MPP7: variants seen among roughly 807,000 people sequenced by gnomAD.
The protein encoded by MPP7 is MAGUK p55 subfamily member 7.
In MPP7, 60 loss-of-function variants were observed where a neutral mutation model predicts 76.5. The observed-to-expected ratio is 0.78, with a 90% CI of 0.64 to 0.97. The LOEUF (loss-of-function observed/expected upper bound fraction) is 0.97. Among genes scored for constraint, MPP7 ranks in the 50% least tolerant of loss-of-function variants. The pLI, the probability that MPP7 is intolerant of heterozygous loss-of-function variation, is 0.00. For missense variants in MPP7, 641 were observed against 694.0 expected (o/e 0.92, Z 0.86); for synonymous variants, 237 against 244.5 (o/e 0.97, Z 0.29).
Position 28,124,127 on chromosome 10 carries a change from G to C in MPP7, c.530-11C>G. The C allele has an allele frequency of 2.5e-6, 4 of 1,582,944 alleles. No homozygotes were observed. Among genetic ancestry groups the C allele is most frequent in the Non-Finnish European group, 3.5e-6 (4 of 1,152,176 alleles). The stretch of plus-strand genomic sequence containing the variant: ...CAACATGAATAAGACCTGAGAAATA[G>C]GAGATTTGGTAAATTAGCAGTGTTA... On this transcript the variant is annotated splice_polypyrimidine_tract_variant and intron_variant, in intron 7 of 16. Transcript: ENST00000683449.
intron 2 of MPP7, among the ~76,000 whole-genome samples, chr10:28,313,518 T>TA (rs1204078166): frequency 5.5e-5 from 7 of 128,238 alleles, no homozygotes; most frequent in Non-Finnish European, 1.0e-4. Flanking sequence ...AAAGATAAAA[T>TA]AAAAAAAAAG....
chr10:28,161,757 C>T (rs185903807), intron 3 of MPP7, among the ~76,000 whole-genome samples: 142 of 152,184 alleles, frequency 9.3e-4, no homozygotes, highest in African/African-American at 3.3e-3. Flanking sequence ...AATTATTTCC[C>T]CAACTTTTCA....
chr10:28,079,578 C>T (rs1023910776), intron 12 of MPP7, among the ~76,000 whole-genome samples: 3 of 152,116 alleles, frequency 2.0e-5, no homozygotes, highest in Non-Finnish European at 2.9e-5. Flanking sequence ...GAAGCGCACC[C>T]AAAACCATAC....
At chr10:28,289,805 GC>G (rs1840870849) in intron 1 of MPP7, among the ~76,000 whole-genome samples, 2 of 152,096 alleles carry the variant, frequency 1.3e-5, no homozygotes, top group African/African-American at 4.8e-5. Flanking sequence ...TCCCAAAAAG[GC>G]CGAAACATTG....
chr10:28,117,368 C>T (rs927891326), intron 11 of MPP7, among the ~76,000 whole-genome samples: 2 of 151,996 alleles, frequency 1.3e-5, no homozygotes, highest in African/African-American at 4.8e-5. Flanking sequence ...TAGAATTATT[C>T]TTCCTTTATA....
At chr10:28,267,564 T>A (rs545290931) in intron 1 of MPP7, among the ~76,000 whole-genome samples, 1 of 152,134 alleles carries the variant, frequency 6.6e-6, no homozygotes, top group Non-Finnish European at 1.5e-5. Flanking sequence ...CACTAGAGCA[T>A]TACAGATTTT....
chr10:28,317,830 C>A (rs1173173461), intron 2 of MPP7, among the ~76,000 whole-genome samples: 1 of 152,172 alleles, frequency 6.6e-6, no homozygotes, highest in Non-Finnish European at 1.5e-5. Context: ...TAGGAAAAGG[C>A]ACTCTTCCTC....
intron 3 of MPP7, among the ~76,000 whole-genome samples, chr10:28,160,457 T>C (rs1256185374): frequency 6.6e-6 from 1 of 152,174 alleles, no homozygotes; most frequent in East Asian, 1.9e-4. Context: ...TGAGCAGTTT[T>C]ACCCATCAGT....
chr10:28,119,236 T>C (rs1564639779), intron 11 of MPP7, among the ~76,000 whole-genome samples: 1 of 152,126 alleles, frequency 6.6e-6, no homozygotes, highest in Non-Finnish European at 1.5e-5. Context: ...TAAGAACAAT[T>C]GGTCTTGAGC....
intron 13 of MPP7, among the ~76,000 whole-genome samples, chr10:28,062,321 T>C (rs758430623): frequency 1.3e-5 from 2 of 152,046 alleles, no homozygotes; most frequent in Non-Finnish European, 2.9e-5. Flanking sequence ...TGGTTAGATA[T>C]GCATACATTA....
At chr10:28,181,228 C>A (rs1002858444) in intron 3 of MPP7, among the ~76,000 whole-genome samples, 7 of 151,956 alleles carry the variant, frequency 4.6e-5, no homozygotes, top group African/African-American at 7.3e-5. Context: ...AAGTATTTTA[C>A]GTGAAAATGG....
upstream of MPP7, among the ~76,000 whole-genome samples, chr10:28,306,664 T>TAGAGAGAGAG (rs772241963): frequency 0.17 from 6,926 of 41,128 alleles, 298 homozygotes; most frequent in African/African-American, 0.31. Flanking sequence ...AGATGATAGA[T>TAGAGAGAGAG]AGATAGAGAG....
intron 5 of MPP7, among the ~76,000 whole-genome samples, chr10:28,140,520 GA>G (rs376943190): frequency 0.022 from 3,283 of 149,074 alleles, 100 homozygotes; most frequent in African/African-American, 0.073. Context: ...CAAAAAAAAA[GA>G]AAAAAAAATA....
chr10:28,282,796 T>C (rs1840708737), intron 1 of MPP7, among the ~76,000 whole-genome samples: 1 of 151,908 alleles, frequency 6.6e-6, no homozygotes, highest in South Asian at 2.1e-4. Flanking sequence ...TGCCTGCTTG[T>C]TCTGTGTCGG....
At chr10:28,236,511 C>T (rs1839078911) in intron 2 of MPP7, 1 of 151,870 alleles carries the variant, frequency 6.6e-6, no homozygotes. Context: ...GTATTAATGA[C>T]ATATATATGC....
At chr10:28,208,061 T>C (rs528331391) in intron 2 of MPP7, among the ~76,000 whole-genome samples, 3 of 152,218 alleles carry the variant, frequency 2.0e-5, no homozygotes, top group Non-Finnish European at 2.9e-5. Context: ...CTCTAAAGAA[T>C]ACCTAGGACT....
At chr10:28,319,961 C>CAAA (rs5784051) in intron 2 of MPP7, among the ~76,000 whole-genome samples, 7 of 151,388 alleles carry the variant, frequency 4.6e-5, no homozygotes, top group East Asian at 3.9e-4. Flanking sequence ...CTCTCAAAAA[C>CAAA]AAAAAAAAAT....
At chr10:28,115,108 T>TA (rs1834624736) in intron 11 of MPP7, among the ~76,000 whole-genome samples, 1 of 151,662 alleles carries the variant, frequency 6.6e-6, no homozygotes, top group Non-Finnish European at 1.5e-5. Flanking sequence ...TTTTTTGTTT[T>TA]TGTTTTTTTT....
At chr10:28,106,879 A>C (rs1834341352) in intron 11 of MPP7, among the ~76,000 whole-genome samples, 1 of 152,278 alleles carries the variant, frequency 6.6e-6, no homozygotes, top group South Asian at 2.1e-4. Flanking sequence ...CTCTAAAGAA[A>C]CCCATATTTC....
Sources: gnomAD v4.1 joint callset for allele counts (sites outside exome capture counted in the v4.1 genomes callset) on GRCh38, gnomAD v4.1.1 for gene constraint, MANE v1.5 for transcripts, NCBI Gene and HGNC (gene_info 2026-07-23, HGNC 2026-07-21) for gene names.